TOX: variants seen among roughly 807,000 people sequenced by gnomAD.
TOX encodes the protein thymocyte selection-associated high mobility group box protein TOX.
Under a neutral mutation model 53.7 loss-of-function variants are expected in TOX, and 11 were observed. The observed-to-expected ratio is 0.20, with a 90% CI of 0.13 to 0.34. TOX has a LOEUF of 0.34. TOX is among the 10% of genes least tolerant of loss of function. TOX has a pLI of 1.00. For missense variants in TOX, 570 were observed against 664.6 expected (o/e 0.86, Z 1.56); for synonymous variants, 225 against 245.3 (o/e 0.92, Z 0.77).
At chr8:58,956,477 T>C (rs1812709341) in intron 2 of TOX, among the ~76,000 whole-genome samples, 1 of 152,226 alleles carries the variant, frequency 6.6e-6, no homozygotes. Flanking sequence ...GATATACATA[T>C]AGATAATAAA....
intron 3 of TOX, among the ~76,000 whole-genome samples, chr8:58,924,434 T>C (rs1461605409): frequency 6.6e-6 from 1 of 152,194 alleles, no homozygotes; most frequent in African/African-American, 2.4e-5. Context: ...CAAGAACCCA[T>C]AACCAGATCT....
chr8:58,863,627 T>G (rs1370221779), intron 3 of TOX, among the ~76,000 whole-genome samples: 1 of 152,198 alleles, frequency 6.6e-6, no homozygotes, highest in African/African-American at 2.4e-5. Context: ...TTTTAGCTGT[T>G]CTTTAAACAA....
chr8:59,091,211 A>C (rs576912290), intron 1 of TOX, among the ~76,000 whole-genome samples: 9 of 152,110 alleles, frequency 5.9e-5, no homozygotes, highest in African/African-American at 2.2e-4. Context: ...CCTGACTCCC[A>C]GCCTCAGCAC....
chr8:59,005,379 C>T (rs531265629), intron 1 of TOX, among the ~76,000 whole-genome samples: 2 of 152,224 alleles, frequency 1.3e-5, no homozygotes, highest in African/African-American at 4.8e-5. Flanking sequence ...AAAATGATTA[C>T]AAGTATTACA....
intron 1 of TOX, among the ~76,000 whole-genome samples, chr8:59,023,160 G>A (rs1423585388): frequency 3.3e-5 from 5 of 152,154 alleles, no homozygotes. Flanking sequence ...TTTATAAGAA[G>A]ACTTTTGAGC....
intron 3 of TOX, among the ~76,000 whole-genome samples, chr8:58,855,929 A>C (rs950168006): frequency 2.6e-5 from 4 of 152,028 alleles, no homozygotes; most frequent in Admixed American, 6.6e-5. Flanking sequence ...GAGGGGAAAA[A>C]CCCCATACTT....
At chr8:59,099,584 C>T (rs1348230865) in intron 1 of TOX, among the ~76,000 whole-genome samples, 3 of 152,184 alleles carry the variant, frequency 2.0e-5, no homozygotes, top group Non-Finnish European at 2.9e-5. Flanking sequence ...TGTAGGAGTA[C>T]AGTACCCATT....
chr8:59,099,012 T>C (rs1388539239), intron 1 of TOX, among the ~76,000 whole-genome samples: 3 of 152,230 alleles, frequency 2.0e-5, no homozygotes, highest in African/African-American at 7.2e-5. Context: ...ATTTCACTCT[T>C]TGGAAACCTA....
intron 3 of TOX, among the ~76,000 whole-genome samples, chr8:58,938,260 T>C (rs1210913680): frequency 6.6e-6 from 1 of 152,190 alleles, no homozygotes; most frequent in East Asian, 1.9e-4. Context: ...AAGTTAGAGA[T>C]ATATCCCCCA....
At chr8:58,872,161 C>G (rs1234271500) in intron 3 of TOX, among the ~76,000 whole-genome samples, 1 of 151,934 alleles carries the variant, frequency 6.6e-6, no homozygotes, top group Non-Finnish European at 1.5e-5. Flanking sequence ...AAAATACATA[C>G]AAGAGCCACC....
At chr8:58,864,775 A>G (rs1028580957) in intron 3 of TOX, among the ~76,000 whole-genome samples, 3 of 152,212 alleles carry the variant, frequency 2.0e-5, no homozygotes, top group Admixed American at 2.0e-4. Context: ...CACAAGTCTT[A>G]CTGTGGGCCC....
rs917473095 is a variant in TOX at position 59,118,813 on chromosome 8, G to C, written c.102+73C>G. The C allele has an allele frequency of 2.9e-5, 37 of 1,256,348 alleles. No individual in the cohort carries two copies. Among genetic ancestry groups the C allele is most frequent in the Non-Finnish European group, 3.9e-5 (36 of 915,050 alleles). The allele number at this position is 1,256,348 out of a possible 1,614,324, so 77.8% of individuals were successfully genotyped here. Reference sequence around the variant, plus strand: ...GCCTCCGCCAAGCCGGCCCCGCCGCGGCCCGGCCACCGCCGCTCCCCTCCC... The same window carrying C: ...GCCTCCGCCAAGCCGGCCCCGCCGCCGCCCGGCCACCGCCGCTCCCCTCCC... On this transcript the variant is annotated intron_variant, in intron 1 of 8. Coordinates refer to ENST00000361421, the MANE Select transcript of TOX (RefSeq NM_014729.3). This position sits in a 1 kb window ranked among gnomAD's most constrained non-coding sequence, Gnocchi z 4.1.
At chr8:58,872,923 T>TTTTTAACATA (rs1563376052) in intron 3 of TOX, among the ~76,000 whole-genome samples, 1 of 152,148 alleles carries the variant, frequency 6.6e-6, no homozygotes, top group Non-Finnish European at 1.5e-5. Context: ...ATCATACTAA[T>TTTTTAACATA]GTAAGATGTT....
intron 4 of TOX, among the ~76,000 whole-genome samples, chr8:58,847,382 A>G (rs2129167785): frequency 6.6e-6 from 1 of 152,280 alleles, no homozygotes; most frequent in Admixed American, 6.5e-5. Context: ...AAGGAACCAA[A>G]TGAAACCAAA....
rs772328073 is a variant in TOX, at chr8:58,815,446, G to A, written c.1284C>T (p.His428=). ...GGTGCTGCTGCATGTTGAGATGCTG[G>A]TGAAGAGGCGGGCTGATCTGGAGGG... ...PPPLQISPPL[H]QHLNMQQHQP... is the part of the protein sequence containing the mutation. Residue 428 remains histidine (H), a synonymous_variant, in exon 7 of 9, where the codon CAC becomes CAT. Transcript: ENST00000361421. The A allele has an allele frequency of 6.2e-7, 1 of 1,614,138 alleles. No individual in the cohort carries two copies.
intron 1 of TOX, among the ~76,000 whole-genome samples, chr8:59,026,049 C>T (rs1287422863): frequency 6.6e-6 from 1 of 152,162 alleles, no homozygotes; most frequent in Non-Finnish European, 1.5e-5. Flanking sequence ...AAAAATGAGA[C>T]CAAGTTTATA....
Position 58,851,747 on chromosome 8 carries a change from G to A in TOX, c.470C>T (p.Ala157Val). ...TQYSSHPQMA[A>V]MRPRGQPADI... ...TGCAGGCTGGCCCCTTGGTCTCATG[G>A]CTGCCATCTGAGGATGGGAACTGTA... Residue 157 changes from alanine (A) to valine (V), a missense_variant, in exon 4 of 9, where the codon GCC (alanine) becomes GTC (valine). Ala to Val is a moderately conservative substitution (Grantham distance 64, BLOSUM62 0). Around this residue, in one of 3 missense-constraint regions of TOX, gnomAD observed 282 missense variants for 315.0 expected, o/e 0.90. Transcript: ENST00000361421. The surrounding 1 kb of genome is among the most constrained non-coding windows in gnomAD (Gnocchi z 4.4). The A allele has an allele frequency of 6.2e-7, 1 of 1,612,762 alleles. No individual in the cohort carries two copies. The highest frequency in any genetic ancestry group is 2.2e-5 in the East Asian group (1 of 44,862).
Position 58,807,720 on chromosome 8 carries a change from C to T in TOX, c.*27G>A. The T allele has an allele frequency of 6.2e-7, 1 of 1,613,568 alleles. No homozygotes were observed. The highest frequency in any genetic ancestry group is 8.5e-7 in the Non-Finnish European group (1 of 1,179,530). On this transcript the variant is annotated 3_prime_UTR_variant, in exon 9 of 9. Coordinates refer to ENST00000361421, the MANE Select transcript of TOX (RefSeq NM_014729.3). ...GGTGAAAACACTTCCCTGAATTCCTCAGTGGAAAGAAGAGGTGTTCAGATT... is the reference window on the plus strand; with the variant it reads ...GGTGAAAACACTTCCCTGAATTCCTTAGTGGAAAGAAGAGGTGTTCAGATT...
intron 3 of TOX, among the ~76,000 whole-genome samples, chr8:58,866,669 T>C (rs1375185): frequency 0.18 from 27,222 of 152,194 alleles, 2,750 homozygotes; most frequent in South Asian, 0.23. Context: ...CATTTATAAA[T>C]TGATATTTGC....
Sources: gnomAD v4.1 joint callset for allele counts (sites outside exome capture counted in the v4.1 genomes callset) on GRCh38, gnomAD v4.1.1 for gene constraint, gnomAD v4.1.1 regional missense constraint, Gnocchi (gnomAD v3.1) non-coding constraint, MANE v1.5 for transcripts, NCBI Gene and HGNC (gene_info 2026-07-23, HGNC 2026-07-21) for gene names.